The following DCC variants were observed in gnomAD, a reference collection of about 807,000 sequenced individuals.
DCC encodes the protein netrin receptor DCC.
A neutral mutation model predicts 172.5 loss-of-function variants in DCC; 58 were observed. The observed-to-expected ratio is 0.34, with a 90% CI of 0.27 to 0.42. DCC has a LOEUF of 0.42. Among genes scored for constraint, DCC ranks in the 10% least tolerant of loss-of-function variants. DCC has a pLI of 1.00. For missense variants in DCC, 1,740 were observed against 1,791.0 expected, an observed-to-expected ratio of 0.97 and a Z score of 0.51; for synonymous variants, 709 against 644.5, an observed-to-expected ratio of 1.10 and a Z score of -1.52.
At chr18:52,566,963 T>C (rs1211055766) in intron 1 of DCC, among the ~76,000 whole-genome samples, 1 of 152,168 alleles carries the variant, frequency 6.6e-6, no homozygotes, top group Non-Finnish European at 1.5e-5. Context: ...TGTAATAGCA[T>C]AGCAGCAAAA....
intron 7 of DCC, among the ~76,000 whole-genome samples, chr18:53,090,732 A>AAAAAAAT (rs1568298492): frequency 3.1e-5 from 4 of 129,078 alleles, no homozygotes; most frequent in Non-Finnish European, 5.0e-5. Context: ...AAAAAAAAAA[A>AAAAAAAT]AAGAATGTAT....
intron 1 of DCC, among the ~76,000 whole-genome samples, chr18:52,678,973 C>T (rs1474317204): frequency 4.6e-5 from 7 of 151,978 alleles, no homozygotes; most frequent in Non-Finnish European, 8.8e-5. Flanking sequence ...TCAACTTTTG[C>T]TGTTACCTGC....
chr18:53,204,010 G>C (rs1341021313), intron 9 of DCC, among the ~76,000 whole-genome samples: 3 of 152,034 alleles, frequency 2.0e-5, no homozygotes, highest in African/African-American at 7.2e-5. Context: ...CTCATGCTAG[G>C]CTATTCATAG....
chr18:52,787,596 C>T (rs1182024979), intron 2 of DCC, among the ~76,000 whole-genome samples: 1 of 152,076 alleles, frequency 6.6e-6, no homozygotes, highest in East Asian at 1.9e-4. Context: ...TTTGGCAATC[C>T]CATGCAACTA....
intron 1 of DCC, among the ~76,000 whole-genome samples, chr18:52,594,936 A>G (rs1482904369): frequency 6.6e-6 from 1 of 152,204 alleles, no homozygotes; most frequent in East Asian, 1.9e-4. Flanking sequence ...GCAGTGACAA[A>G]TATTCAAACT....
chr18:52,549,681 C>T (rs576657764), intron 1 of DCC, among the ~76,000 whole-genome samples: 12 of 152,172 alleles, frequency 7.9e-5, no homozygotes, highest in Admixed American at 1.3e-4. Flanking sequence ...AGTAGCATCT[C>T]CTATTTTATC....
At chr18:53,319,840 C>G (rs1426581387) in intron 13 of DCC, among the ~76,000 whole-genome samples, 2 of 145,582 alleles carry the variant, frequency 1.4e-5, no homozygotes, top group African/African-American at 5.2e-5. Context: ...GGCAATATCT[C>G]TTAGTTAAAG....
intron 8 of DCC, among the ~76,000 whole-genome samples, chr18:53,157,845 C>T (rs970984294): frequency 6.6e-6 from 1 of 152,190 alleles, no homozygotes; most frequent in African/African-American, 2.4e-5. Context: ...CTGTGGCTAG[C>T]TTGTAATCCC....
At chr18:53,101,831 G>GTGTA (rs1555712108) in intron 7 of DCC, among the ~76,000 whole-genome samples, 1 of 41,190 alleles carries the variant, frequency 2.4e-5, no homozygotes, top group African/African-American at 9.8e-5. Flanking sequence ...GTGTGTATTT[G>GTGTA]TGTGTGTGTG....
At chr18:53,234,582 T>G (rs923450168) in intron 12 of DCC, among the ~76,000 whole-genome samples, 10 of 152,154 alleles carry the variant, frequency 6.6e-5, no homozygotes, top group African/African-American at 2.2e-4. Flanking sequence ...AACAGTGACT[T>G]AGGGTCACGT....
At chr18:52,867,517 T>C (rs1269223374) in intron 2 of DCC, among the ~76,000 whole-genome samples, 23 of 152,144 alleles carry the variant, frequency 1.5e-4, no homozygotes, top group Admixed American at 1.5e-3. Flanking sequence ...CTTGGGTTTT[T>C]TTTTTTGGGT....
At chr18:52,792,853 C>T (rs1304352149) in intron 2 of DCC, among the ~76,000 whole-genome samples, 2 of 83,076 alleles carry the variant, frequency 2.4e-5, no homozygotes, top group Non-Finnish European at 5.4e-5. Context: ...CCATTCCATT[C>T]CATTCGGGTT....
intron 7 of DCC, among the ~76,000 whole-genome samples, chr18:53,100,041 G>T (rs532175096): frequency 6.8e-6 from 1 of 146,480 alleles, no homozygotes; most frequent in African/African-American, 2.5e-5. Flanking sequence ...CCACCTCCCA[G>T]GTTCCAGCAA....
intron 5 of DCC, among the ~76,000 whole-genome samples, chr18:52,990,538 CCCAAAAAAAAAAAAA>C (rs2041370990): frequency 2.6e-5 from 2 of 76,278 alleles, no homozygotes; most frequent in Non-Finnish European, 2.7e-5. Flanking sequence ...AAAACTCCAT[CCCAAAAAAAAAAAAA>C]AAAAAAAAAA....
intron 5 of DCC, among the ~76,000 whole-genome samples, chr18:52,991,373 A>C (rs2041389004): frequency 6.6e-6 from 1 of 152,204 alleles, no homozygotes; most frequent in Non-Finnish European, 1.5e-5. Flanking sequence ...TGTTGGACAG[A>C]GAATAGATAT....
chr18:52,950,282 C>T (rs2040615172), intron 5 of DCC, among the ~76,000 whole-genome samples: 1 of 152,170 alleles, frequency 6.6e-6, no homozygotes, highest in Non-Finnish European at 1.5e-5. Flanking sequence ...AATTTCTGGA[C>T]TTACTCTCTC....
chr18:53,333,600 C>T (rs994248024), intron 14 of DCC, among the ~76,000 whole-genome samples: 9 of 151,772 alleles, frequency 5.9e-5, no homozygotes, highest in South Asian at 2.1e-4. Context: ...GTGAGGTGAA[C>T]GAAGGCAAAA....
At chr18:52,659,186 A>T (rs573659668) in intron 1 of DCC, among the ~76,000 whole-genome samples, 1 of 152,326 alleles carries the variant, frequency 6.6e-6, no homozygotes, top group East Asian at 1.9e-4. Flanking sequence ...TTCAGACAAC[A>T]GTCAGATACT....
chr18:52,677,935 T>G (rs2035674604), intron 1 of DCC, among the ~76,000 whole-genome samples: 1 of 152,094 alleles, frequency 6.6e-6, no homozygotes, highest in Non-Finnish European at 1.5e-5. Context: ...TGAAAACAAA[T>G]AAATCAAATG....
Sources: allele counts gnomAD v4.1 joint callset (sites outside exome capture counted in the v4.1 genomes callset), GRCh38; gene constraint gnomAD v4.1.1; transcripts MANE v1.5; gene names NCBI Gene and HGNC (gene_info 2026-07-23, HGNC 2026-07-21).